IL1RAPL2: variants seen among roughly 807,000 people sequenced by gnomAD.
The protein encoded by IL1RAPL2 is interleukin 1 receptor accessory protein like 2, also known as X-linked interleukin-1 receptor accessory protein-like 2.
A neutral mutation model predicts 44.1 loss-of-function variants in IL1RAPL2; 3 were observed. The ratio of observed to expected loss-of-function variants is 0.07; its 90% CI spans 0.03 to 0.18. The LOEUF (loss-of-function observed/expected upper bound fraction) is 0.18. IL1RAPL2 is among the 10% of genes least tolerant of loss of function. The pLI is 1.00. For synonymous variants in IL1RAPL2, 181 were observed against 178.8 expected, an observed-to-expected ratio of 1.01 and a Z score of -0.10; for missense variants, 391 against 496.4, an observed-to-expected ratio of 0.79 and a Z score of 2.02.
chrX:104,832,432 A>G (rs1921636053), intron 2 of IL1RAPL2, among the ~76,000 whole-genome samples: 1 of 111,021 alleles, frequency 9.0e-6, no homozygotes, highest in African/African-American at 3.3e-5. Flanking sequence ...TTTCCTTACA[A>G]ACTTGAGGCT....
At chrX:105,316,347 A>T (rs1002232541) in intron 5 of IL1RAPL2, among the ~76,000 whole-genome samples, 1 of 112,117 alleles carries the variant, frequency 8.9e-6, no homozygotes, top group Non-Finnish European at 1.9e-5. Flanking sequence ...CTGCTTGCTA[A>T]TCAATGAAAA....
intron 5 of IL1RAPL2, among the ~76,000 whole-genome samples, chrX:105,271,593 A>G (rs1471349741): frequency 9.0e-6 from 1 of 111,024 alleles, no homozygotes; most frequent in Non-Finnish European, 1.9e-5. Flanking sequence ...GTCTCTAGGG[A>G]TAAGAAGAGA....
chrX:104,581,742 T>C (rs183662680), intron 1 of IL1RAPL2, among the ~76,000 whole-genome samples: 4 of 111,584 alleles, frequency 3.6e-5, no homozygotes, highest in African/African-American at 9.8e-5. Context: ...ACTATACTAT[T>C]CGCTGGGAAC....
At chrX:104,736,493 C>G in intron 2 of IL1RAPL2, among the ~76,000 whole-genome samples, 1 of 111,825 alleles carries the variant, frequency 8.9e-6, no homozygotes. Flanking sequence ...GATTTTCACT[C>G]TTTAGTTAAT....
intron 5 of IL1RAPL2, among the ~76,000 whole-genome samples, chrX:105,309,535 C>A (rs1205884968): frequency 9.4e-6 from 1 of 106,155 alleles, no homozygotes; most frequent in Non-Finnish European, 1.9e-5. Context: ...AGTTTGAGAC[C>A]AGCCTGGCCA....
chrX:105,630,588 A>G (rs1409932794), intron 6 of IL1RAPL2, among the ~76,000 whole-genome samples: 1 of 109,447 alleles, frequency 9.1e-6, no homozygotes, highest in Admixed American at 9.8e-5. Context: ...TAGGGAGAAT[A>G]AAATGTTGAA....
intron 6 of IL1RAPL2, among the ~76,000 whole-genome samples, chrX:105,685,530 C>T: frequency 9.0e-6 from 1 of 111,456 alleles, no homozygotes; most frequent in Non-Finnish European, 1.9e-5. Flanking sequence ...TGAACAAAAC[C>T]TCCAAGAAAT....
At chrX:104,773,562 G>T (rs1309747022) in intron 2 of IL1RAPL2, among the ~76,000 whole-genome samples, 1 of 111,643 alleles carries the variant, frequency 9.0e-6, no homozygotes, top group African/African-American at 3.3e-5. Flanking sequence ...CATTTCCATA[G>T]GCTTCAATGA....
intron 5 of IL1RAPL2, among the ~76,000 whole-genome samples, chrX:105,467,192 A>G (rs2036136240): frequency 8.9e-6 from 1 of 111,880 alleles, no homozygotes; most frequent in Non-Finnish European, 1.9e-5. Flanking sequence ...TTCACTGAAA[A>G]ATATCAACTA....
At chrX:105,634,621 G>A (rs2037511693) in intron 6 of IL1RAPL2, among the ~76,000 whole-genome samples, 1 of 111,502 alleles carries the variant, frequency 9.0e-6, no homozygotes, top group Non-Finnish European at 1.9e-5. Flanking sequence ...CTAATAGTTG[G>A]AGGGGGTTAA....
chrX:105,291,594 A>G (rs2034612463), intron 5 of IL1RAPL2, among the ~76,000 whole-genome samples: 1 of 111,698 alleles, frequency 9.0e-6, no homozygotes, highest in Non-Finnish European at 1.9e-5. Context: ...TGTAATACCC[A>G]CACCCAGTAG....
chrX:105,197,763 T>C (rs1486650436), intron 3 of IL1RAPL2, among the ~76,000 whole-genome samples: 2 of 111,724 alleles, frequency 1.8e-5, no homozygotes, highest in Non-Finnish European at 3.8e-5. Context: ...ATAGCTTTTT[T>C]TTTTTACTTT....
intron 2 of IL1RAPL2, among the ~76,000 whole-genome samples, chrX:105,181,941 C>T (rs1163588421): frequency 9.2e-6 from 1 of 108,719 alleles, no homozygotes; most frequent in Admixed American, 9.9e-5. Flanking sequence ...GTAGCGGGCG[C>T]CTGTAGTCCC....
chrX:104,645,060 TTTTC>T (rs756997135), intron 1 of IL1RAPL2, among the ~76,000 whole-genome samples: 3 of 111,224 alleles, frequency 2.7e-5, no homozygotes, highest in Non-Finnish European at 5.7e-5. Flanking sequence ...TTCCTCCTGG[TTTTC>T]TTTGTACCTT....
chrX:104,738,002 T>A (rs188677109), intron 2 of IL1RAPL2, among the ~76,000 whole-genome samples: 1 of 112,361 alleles, frequency 8.9e-6, no homozygotes, highest in Admixed American at 9.4e-5. Flanking sequence ...ATCTTCTAGT[T>A]TTCTTTTGCA....
At position 104,945,160 on chromosome X, in the gene IL1RAPL2, A is replaced by G. The variant is rs72616882; in HGVS notation, c.83-250315A>G. Among the ~76,000 whole-genome samples the G allele has an allele frequency of 2.7e-3, 297 of 111,224 alleles. 8 individuals carry two copies. In the East Asian group the frequency reaches 0.073, roughly 27 times the overall value. ...TGGGTGCTTAATAAATGCTAGTTCA[A>G]TTGGCTGTGACATAAGGTAATTGAG... On this transcript the variant is annotated intron_variant, in intron 2 of 10. Transcript: ENST00000372582.
intron 2 of IL1RAPL2, among the ~76,000 whole-genome samples, chrX:104,892,523 G>A (rs763208135): frequency 9.0e-6 from 1 of 111,214 alleles, no homozygotes; most frequent in Non-Finnish European, 1.9e-5. Flanking sequence ...GTCTTTGGAG[G>A]GTGTATGTGC....
At chrX:105,390,595 T>A (rs984574233) in intron 5 of IL1RAPL2, among the ~76,000 whole-genome samples, 13 of 111,084 alleles carry the variant, frequency 1.2e-4, no homozygotes, top group Non-Finnish European at 2.1e-4. Context: ...TGGGCTCTTT[T>A]TTTTTTAGGC....
chrX:105,129,063 T>C (rs2033003010), intron 2 of IL1RAPL2, among the ~76,000 whole-genome samples: 1 of 111,357 alleles, frequency 9.0e-6, no homozygotes, highest in South Asian at 3.7e-4. Flanking sequence ...TTCTGTGAAG[T>C]TTTTAGTCTC....
Sources: gnomAD v4.1 joint callset for allele counts (sites outside exome capture counted in the v4.1 genomes callset) on GRCh38, gnomAD v4.1.1 for gene constraint, MANE v1.5 for transcripts, NCBI Gene and HGNC (gene_info 2026-07-23, HGNC 2026-07-21) for gene names.